Variants in PCDHA2 observed in about 807,000 individuals in gnomAD.
PCDHA2 encodes the protein protocadherin alpha 2.
In PCDHA2, 58 loss-of-function variants were observed where a neutral mutation model predicts 66.0. The ratio of observed to expected loss-of-function variants is 0.88; its 90% confidence interval spans 0.71 to 1.09. The LOEUF is 1.09. PCDHA2 is among the 50% of genes least tolerant of loss of function. The pLI, the probability that PCDHA2 is intolerant of heterozygous loss-of-function variation, is 0.00. For missense variants in PCDHA2, 1,267 were observed against 1,242.3 expected, an observed-to-expected ratio of 1.02 and a Z score of -0.30; for synonymous variants, 634 against 554.0, an observed-to-expected ratio of 1.14 and a Z score of -2.03.
At chr5:140,841,397 G>T in intron 1 of PCDHA2, 3 of 1,613,254 alleles carry the variant, frequency 1.9e-6, no homozygotes, top group Non-Finnish European at 2.5e-6. Flanking sequence ...AGCCTGGAAG[G>T]TGGGGAGCGG....
Position 140,848,639 on chromosome 5 carries a change from C to A in PCDHA2, c.2388+51287C>A, listed in dbSNP as rs2150415771. 38 of 1,593,274 alleles carry A rather than the reference C, an allele frequency of 2.4e-5. 3 individuals carry two copies. Among genetic ancestry groups the A allele is most frequent in the Non-Finnish European group, 3.1e-5 (36 of 1,163,894 alleles). On this transcript the variant is annotated intron_variant, in intron 1 of 3. Coordinates refer to ENST00000526136, the MANE Select transcript of PCDHA2 (RefSeq NM_018905.3). ...AACACGGCACCTTCGTGGGCCGCAT[C>A]GCGCAGGACCTGGGGCTGGAGCTGG... is the stretch of plus-strand genomic sequence containing the variant.
At chr5:140,919,545 T>C (rs572558911) in intron 1 of PCDHA2, among the ~76,000 whole-genome samples, 15 of 152,314 alleles carry the variant, frequency 9.8e-5, no homozygotes, top group African/African-American at 3.6e-4. Flanking sequence ...ACTTTTCATT[T>C]ACTGATTTAT....
intron 1 of PCDHA2, chr5:140,968,752 C>T: frequency 6.2e-7 from 1 of 1,614,094 alleles, no homozygotes; most frequent in Non-Finnish European, 8.5e-7. Context: ...CCGTGGTGGT[C>T]CGAGATAATG....
intron 3 of PCDHA2, among the ~76,000 whole-genome samples, chr5:140,995,791 T>C (rs547359105): frequency 1.3e-5 from 2 of 152,266 alleles, no homozygotes; most frequent in South Asian, 4.1e-4. Context: ...TTAAAATTTG[T>C]CTCATGTTAG....
chr5:140,872,817 T>G (rs1316271424), intron 1 of PCDHA2, among the ~76,000 whole-genome samples: 1 of 152,214 alleles, frequency 6.6e-6, no homozygotes, highest in African/African-American at 2.4e-5. Context: ...TTTTTCAGAT[T>G]CATCTAGCAG....
chr5:140,927,256 C>T, intron 1 of PCDHA2: 1 of 1,614,144 alleles, frequency 6.2e-7, no homozygotes, highest in Non-Finnish European at 8.5e-7. Context: ...TGACAACTCA[C>T]CTCTCTTTCC....
intron 1 of PCDHA2, chr5:140,862,740 G>A: frequency 1.7e-6 from 1 of 577,772 alleles, no homozygotes; most frequent in South Asian, 1.4e-5. Flanking sequence ...GCTATGTGTG[G>A]GTGCACGCGG....
chr5:140,951,076 A>G (rs2094545866), intron 1 of PCDHA2, among the ~76,000 whole-genome samples: 1 of 151,566 alleles, frequency 6.6e-6, no homozygotes, highest in Non-Finnish European at 1.5e-5. Flanking sequence ...GCTTTCTTAT[A>G]TTTTCCTTTT....
At chr5:140,978,597 A>G (rs897045455) in intron 1 of PCDHA2, among the ~76,000 whole-genome samples, 1 of 152,234 alleles carries the variant, frequency 6.6e-6, no homozygotes, top group Non-Finnish European at 1.5e-5. Flanking sequence ...TTAATGGGGC[A>G]CTTGAGGGCA....
At chr5:140,891,452 TG>T (rs2063116437) in intron 1 of PCDHA2, among the ~76,000 whole-genome samples, 1 of 150,254 alleles carries the variant, frequency 6.7e-6, no homozygotes, top group Non-Finnish European at 1.5e-5. Flanking sequence ...ATAGGATTTT[TG>T]AATTTGTGAA....
At chr5:140,845,952 T>C (rs1262858595) in intron 1 of PCDHA2, among the ~76,000 whole-genome samples, 2 of 149,750 alleles carry the variant, frequency 1.3e-5, no homozygotes, top group Non-Finnish European at 3.0e-5. Context: ...AGTCATTTTT[T>C]AGATTAACCT....
In PCDHA2 at chr5:140,851,734, A is replaced by G. The variant is rs2042144947; in HGVS notation, c.2388+54382A>G. 4.1e-6 allele frequency: 4 copies of G among 971,568 alleles called. 1 individual carries two copies. In the South Asian group the frequency reaches 1.9e-4, roughly 46 times the overall value. 60.2% of individuals were successfully genotyped at this position (971,568 alleles called of 1,614,324 possible). On this transcript the variant is annotated intron_variant, in intron 1 of 3. Coordinates refer to ENST00000526136, the MANE Select transcript of PCDHA2 (RefSeq NM_018905.3). ...AGATTCGAAACTTCGAGTTCTTTTG[A>G]AATTCAGAGTCTGTAACTTAAAACA...
intron 1 of PCDHA2, among the ~76,000 whole-genome samples, chr5:140,890,263 A>G (rs1357896634): frequency 6.6e-6 from 1 of 152,194 alleles, no homozygotes; most frequent in Admixed American, 6.5e-5. Flanking sequence ...ACCTGATTGC[A>G]AGCAAGAACC....
At chr5:140,922,993 T>A (rs2081107625) in intron 1 of PCDHA2, among the ~76,000 whole-genome samples, 1 of 152,054 alleles carries the variant, frequency 6.6e-6, no homozygotes, top group Non-Finnish European at 1.5e-5. Context: ...AGGCAAGCCA[T>A]GAGAATGGTT....
chr5:140,835,835 G>A (rs2150246191), intron 1 of PCDHA2: 1 of 1,612,346 alleles, frequency 6.2e-7, no homozygotes, highest in Non-Finnish European at 8.5e-7. Context: ...ACGCGGACGC[G>A]CAGAAGAACG....
At chr5:141,000,361 GTCTC>G (rs148596731) in intron 3 of PCDHA2, among the ~76,000 whole-genome samples, 1,917 of 26,274 alleles carry the variant, frequency 0.073, 118 homozygotes, top group African/African-American at 0.11. Flanking sequence ...GTCTCTCTCT[GTCTC>G]TCTCTCTCTC....
chr5:140,917,042 G>A (rs73793522), intron 1 of PCDHA2, among the ~76,000 whole-genome samples: 8,683 of 152,228 alleles, frequency 0.057, 736 homozygotes, highest in African/African-American at 0.19. Flanking sequence ...GTCCAGCACA[G>A]TGTTGTTCCC....
At chr5:140,993,218 T>C (rs534348907) in intron 3 of PCDHA2, among the ~76,000 whole-genome samples, 1 of 152,330 alleles carries the variant, frequency 6.6e-6, no homozygotes, top group East Asian at 1.9e-4. Flanking sequence ...TTTAGCTTTT[T>C]GGTATGTTCT....
intron 1 of PCDHA2, among the ~76,000 whole-genome samples, chr5:140,921,909 CATG>C (rs1554200522): frequency 6.6e-6 from 1 of 151,678 alleles, no homozygotes; most frequent in Non-Finnish European, 1.5e-5. Context: ...ATATATATTA[CATG>C]ATAAAACTTA....
Sources: gnomAD v4.1 joint callset for allele counts (sites outside exome capture counted in the v4.1 genomes callset) on GRCh38, gnomAD v4.1.1 for gene constraint, MANE v1.5 for transcripts, NCBI Gene and HGNC (gene_info 2026-07-23, HGNC 2026-07-21) for gene names.